SLIT2: variants seen among roughly 807,000 people sequenced by gnomAD.
SLIT2 encodes the protein slit homolog 2 protein.
In SLIT2, 41 loss-of-function variants were observed where a neutral mutation model predicts 185.7. The ratio of observed to expected loss-of-function variants is 0.22; its 90% CI spans 0.17 to 0.29. SLIT2 has a LOEUF of 0.29. Among genes scored for constraint, SLIT2 ranks in the 10% least tolerant of loss-of-function variants. The pLI is 1.00. For synonymous variants in SLIT2, 693 were observed against 680.2 expected, an observed-to-expected ratio of 1.02 and a Z score of -0.29; for missense variants, 1,571 against 1,909.0, an observed-to-expected ratio of 0.82 and a Z score of 3.30.
In SLIT2 at chr4:20,381,956, TTTA is replaced by T. The variant is rs577974596; in HGVS notation, c.396-85793_396-85791del. On this transcript the variant is annotated intron_variant, in intron 4 of 36. Transcript: ENST00000504154. ...ATTTATGCATAAATACAAAACTGTATTTATTTATACATAAATACAAAACTCCTT... is the reference window on the plus strand; with the variant it reads ...ATTTATGCATAAATACAAAACTGTATTTTATACATAAATACAAAACTCCTT... 5.7e-4 allele frequency among the ~76,000 whole-genome samples: 87 copies of T among 151,790 alleles called. No individual in the cohort carries two copies. In the South Asian group the frequency reaches 0.015, roughly 26 times the overall value.
chr4:20,594,364 T>C (rs571803729), intron 30 of SLIT2, among the ~76,000 whole-genome samples: 250 of 151,856 alleles, frequency 1.6e-3, no homozygotes, highest in African/African-American at 3.2e-3. Context: ...TTTGCAGTTA[T>C]GTGTATATGT....
intron 4 of SLIT2, among the ~76,000 whole-genome samples, chr4:20,314,490 T>G (rs989280361): frequency 2.6e-5 from 4 of 152,206 alleles, no homozygotes; most frequent in African/African-American, 9.7e-5. Context: ...CATGACTTAA[T>G]AAAACAAAAC....
At position 20,370,406 on chromosome 4, in the gene SLIT2, G is replaced by T. The variant is rs563867504; in HGVS notation, c.396-97346G>T. 1.5e-4 allele frequency among the ~76,000 whole-genome samples: 23 copies of T among 152,236 alleles called. No homozygotes were observed. In the South Asian group the frequency reaches 4.4e-3, roughly 29 times the overall value. On this transcript the variant is annotated intron_variant, in intron 4 of 36. Coordinates refer to ENST00000504154, the MANE Select transcript of SLIT2 (RefSeq NM_004787.4). ...GTTAAACAGAGAGTGTATAGGAAGT[G>T]CTCTTAAGGAGAAACATCTGGTGCT...
At chr4:20,308,533 A>G (rs1218676764) in intron 4 of SLIT2, among the ~76,000 whole-genome samples, 1 of 152,174 alleles carries the variant, frequency 6.6e-6, no homozygotes. Context: ...AGCTCTTGAC[A>G]CTTTTCAGCT....
At chr4:20,610,641 A>G (rs950871269) in intron 34 of SLIT2, among the ~76,000 whole-genome samples, 12 of 152,234 alleles carry the variant, frequency 7.9e-5, no homozygotes, top group Non-Finnish European at 1.3e-4. Context: ...GAGCTTCTGC[A>G]CTACCAGTTG....
chr4:20,418,067 T>C (rs1174101059), intron 4 of SLIT2, among the ~76,000 whole-genome samples: 2 of 152,182 alleles, frequency 1.3e-5, no homozygotes, highest in Admixed American at 6.5e-5. Flanking sequence ...GCAGAGACAT[T>C]TTCTGTCTTA....
chr4:20,607,882 A>C (rs1560236103), intron 33 of SLIT2, among the ~76,000 whole-genome samples: 1 of 152,162 alleles, frequency 6.6e-6, no homozygotes, highest in East Asian at 1.9e-4. Flanking sequence ...CAAAGTAAAA[A>C]GGAATTCACT....
chr4:20,329,936 G>T (rs530889974), intron 4 of SLIT2, among the ~76,000 whole-genome samples: 1 of 151,890 alleles, frequency 6.6e-6, no homozygotes, highest in Non-Finnish European at 1.5e-5. Flanking sequence ...CTTGACCTGC[G>T]TGCTCTTTTC....
chr4:20,517,609 CA>C (rs1720330673), intron 11 of SLIT2, among the ~76,000 whole-genome samples: 1 of 152,044 alleles, frequency 6.6e-6, no homozygotes, highest in Admixed American at 6.6e-5. Context: ...ATGTTTTCTA[CA>C]AACAAAATTT....
chr4:20,503,860 A>G (rs1718962711), intron 9 of SLIT2, among the ~76,000 whole-genome samples: 1 of 152,168 alleles, frequency 6.6e-6, no homozygotes, highest in Admixed American at 6.5e-5. Context: ...CAAGACAGAA[A>G]CTGATGAGAA....
intron 25 of SLIT2, among the ~76,000 whole-genome samples, chr4:20,553,555 C>A (rs886099376): frequency 6.6e-6 from 1 of 152,172 alleles, no homozygotes; most frequent in African/African-American, 2.4e-5. Context: ...TCTAAAGCAA[C>A]ATGAGTGTTG....
chr4:20,438,138 C>T (rs1729484155), intron 4 of SLIT2, among the ~76,000 whole-genome samples: 2 of 152,114 alleles, frequency 1.3e-5, no homozygotes, highest in Non-Finnish European at 2.9e-5. Context: ...CAATTTACCT[C>T]CCTTCTTATG....
chr4:20,519,789 T>A (rs1044469310), intron 12 of SLIT2, among the ~76,000 whole-genome samples: 6 of 151,712 alleles, frequency 4.0e-5, no homozygotes, highest in Non-Finnish European at 8.8e-5. Flanking sequence ...GGTGATCACT[T>A]TGGGAGGCCG....
intron 33 of SLIT2, among the ~76,000 whole-genome samples, chr4:20,605,675 C>T (rs965414008): frequency 5.3e-5 from 8 of 151,268 alleles, no homozygotes; most frequent in Non-Finnish European, 1.0e-4. Flanking sequence ...TACTATGTAG[C>T]AACTGATGTG....
At chr4:20,408,974 CAT>C (rs1726990792) in intron 4 of SLIT2, among the ~76,000 whole-genome samples, 1 of 151,720 alleles carries the variant, frequency 6.6e-6, no homozygotes, top group African/African-American at 2.4e-5. Flanking sequence ...CACTTGTGCT[CAT>C]ATGCATTTGC....
In SLIT2 at chr4:20,620,502, C is replaced by T; in HGVS notation, c.*1493C>T. Reference sequence around the variant, plus strand: ...TAATTCAGTGTGCTTTGTCTTTCTCCAGATTAATATCGGTTACACTGCTGA... The same window carrying T: ...TAATTCAGTGTGCTTTGTCTTTCTCTAGATTAATATCGGTTACACTGCTGA... On this transcript the variant is annotated 3_prime_UTR_variant, in exon 37 of 37. Transcript: ENST00000504154. The T allele has an allele frequency of 9.2e-6, 4 of 434,110 alleles. No homozygotes were observed. Among genetic ancestry groups the T allele is most frequent in the South Asian group, 5.1e-5 (3 of 59,334 alleles). 26.9% of individuals were successfully genotyped at this position (434,110 alleles called of 1,614,324 possible). A position where few individuals can be genotyped will look rare whatever the true frequency, so the allele number is the denominator to read the frequency against.
intron 4 of SLIT2, among the ~76,000 whole-genome samples, chr4:20,350,038 A>G (rs913574585): frequency 5.3e-5 from 8 of 152,214 alleles, no homozygotes; most frequent in East Asian, 1.9e-4. Context: ...GTAGACTGCA[A>G]TAAGAGTGAT....
chr4:20,473,026 T>G (rs1395949260), intron 5 of SLIT2, among the ~76,000 whole-genome samples: 1 of 151,870 alleles, frequency 6.6e-6, no homozygotes, highest in East Asian at 1.9e-4. Flanking sequence ...TACCGTTGGT[T>G]TTTTAGTGAG....
chr4:20,547,702 TG>T (rs1236055484), intron 22 of SLIT2, among the ~76,000 whole-genome samples: 1 of 150,164 alleles, frequency 6.7e-6, no homozygotes, highest in African/African-American at 2.4e-5. Context: ...TATTACATAT[TG>T]TATATATATT....
Sources: allele counts gnomAD v4.1 joint callset (sites outside exome capture counted in the v4.1 genomes callset), GRCh38; gene constraint gnomAD v4.1.1; transcripts MANE v1.5; gene names NCBI Gene and HGNC (gene_info 2026-07-23, HGNC 2026-07-21).